The following CLEC2A variants were observed in gnomAD, a reference collection of about 807,000 sequenced individuals.
The protein encoded by CLEC2A is keratinocyte-associated C-type lectin.
Under a neutral mutation model 18.6 loss-of-function variants are expected in CLEC2A, and 19 were observed. The ratio of observed to expected loss-of-function variants is 1.02; its 90% confidence interval spans 0.71 to 1.50. CLEC2A has a LOEUF of 1.50. Ranked by LOEUF, CLEC2A falls within the 40% of genes most tolerant of loss-of-function variation. CLEC2A has a pLI of 0.00. For missense variants in CLEC2A, 190 were observed against 207.9 expected (o/e 0.91, Z 0.53); for synonymous variants, 74 against 64.0 (o/e 1.16, Z -0.75).
chr12:9,921,917 G>A, intron 3 of CLEC2A, 149 bp downstream of exon 3: 1 of 594,832 alleles, frequency 1.7e-6, no homozygotes, highest in Non-Finnish European at 2.6e-6. Context: ...GGGTGGCAGA[G>A]GAAAAATAAT....
At chr12:9,900,381 CT>C (rs1862808826) in intron 4 of CLEC2A, among the ~76,000 whole-genome samples, 1 of 152,030 alleles carries the variant, frequency 6.6e-6, no homozygotes, top group Admixed American at 6.6e-5. Flanking sequence ...AATGTATAAG[CT>C]TTGAAATCTA....
chr12:9,912,537 C>T (rs1338659293), downstream of CLEC2A, among the ~76,000 whole-genome samples: 3 of 151,934 alleles, frequency 2.0e-5, no homozygotes, highest in South Asian at 2.1e-4. Context: ...TGTTATGTGC[C>T]AAAATTGTTG....
the CLEC2A span, among the ~76,000 whole-genome samples, chr12:9,882,259 C>T: frequency 7.2e-5 from 11 of 151,944 alleles, no homozygotes; most frequent in Admixed American, 1.3e-4. Context: ...AATTACCAGT[C>T]GCAGTGGCAG....
chr12:9,913,718 T>TA, intron 4 of CLEC2A, 38 bp from the exon 5 acceptor site: 1 of 1,293,048 alleles, frequency 7.7e-7, no homozygotes, highest in Non-Finnish European at 1.1e-6. Flanking sequence ...GGGAACCACT[T>TA]ACGGCTGTAA....
At chr12:9,928,572 G>C (rs994059797) in intron 1 of CLEC2A, among the ~76,000 whole-genome samples, 1 of 152,174 alleles carries the variant, frequency 6.6e-6, no homozygotes, top group African/African-American at 2.4e-5. Context: ...GCAAGTTACA[G>C]ACTGGGAGAA....
chr12:9,903,857 T>C (rs1288553032), intron 4 of CLEC2A, among the ~76,000 whole-genome samples: 2 of 152,240 alleles, frequency 1.3e-5, no homozygotes, highest in Non-Finnish European at 2.9e-5. Context: ...CAATGGCATC[T>C]ATATAAACAT....
chr12:9,909,099 C>T (rs1031953277), downstream of CLEC2A, among the ~76,000 whole-genome samples: 5 of 152,176 alleles, frequency 3.3e-5, no homozygotes, highest in Non-Finnish European at 7.3e-5. Flanking sequence ...TTTAACATTC[C>T]TTGTCCTAGG....
intron 3 of CLEC2A, among the ~76,000 whole-genome samples, chr12:9,919,606 G>A (rs1863131326): frequency 6.6e-6 from 1 of 152,326 alleles, no homozygotes; most frequent in East Asian, 1.9e-4. Flanking sequence ...GCTTGCGAGG[G>A]GGGCTGGAGG....
chr12:9,885,641 A>G, the CLEC2A span, among the ~76,000 whole-genome samples: 13 of 152,098 alleles, frequency 8.5e-5, no homozygotes, highest in Middle Eastern at 3.4e-3. Context: ...AAGGATCCAT[A>G]TTTGTATTGG....
chr12:9,910,182 A>C (rs1003169851), downstream of CLEC2A, among the ~76,000 whole-genome samples: 1 of 152,206 alleles, frequency 6.6e-6, no homozygotes, highest in Non-Finnish European at 1.5e-5. Context: ...AAGCAAAAAT[A>C]CTTTATCATT....
chr12:9,887,946 C>T, the CLEC2A span, among the ~76,000 whole-genome samples: 1 of 149,542 alleles, frequency 6.7e-6, no homozygotes, highest in East Asian at 2.0e-4. Flanking sequence ...CTCCCAACTA[C>T]TTGGGAAGCT....
At chr12:9,893,065 A>G in the CLEC2A span, 1 of 1,535,870 alleles carries the variant, frequency 6.5e-7, no homozygotes. Flanking sequence ...AACGAAGGGA[A>G]ATGTTACTGG....
At chr12:9,921,916 A>C in intron 3 of CLEC2A, 150 bp downstream of exon 3, 1 of 582,528 alleles carries the variant, frequency 1.7e-6, no homozygotes, top group Non-Finnish European at 2.7e-6. Flanking sequence ...AGGGTGGCAG[A>C]GGAAAAATAA....
At chr12:9,925,488 C>T (rs1341220921) in intron 2 of CLEC2A, among the ~76,000 whole-genome samples, 1 of 152,092 alleles carries the variant, frequency 6.6e-6, no homozygotes, top group East Asian at 1.9e-4. Context: ...CTCATTCTGT[C>T]CTGTATATTT....
At chr12:9,908,628 C>A (rs186318923), downstream of CLEC2A, among the ~76,000 whole-genome samples, 296 of 152,248 alleles carry the variant, frequency 1.9e-3, 1 homozygote, top group African/African-American at 6.9e-3. Context: ...CCTGGCCCCC[C>A]CTATTCTTCC....
chr12:9,884,045 T>C, the CLEC2A span, among the ~76,000 whole-genome samples: 1 of 152,172 alleles, frequency 6.6e-6, no homozygotes, highest in African/African-American at 2.4e-5. Flanking sequence ...ACTAAAATGA[T>C]TGTAGATTGA....
chr12:9,920,772 G>A (rs1315088558), intron 3 of CLEC2A, among the ~76,000 whole-genome samples: 1 of 152,082 alleles, frequency 6.6e-6, no homozygotes, highest in East Asian at 1.9e-4. Flanking sequence ...TAGAGTCCAC[G>A]TGTCTCCTTC....
chr12:9,910,288 G>C (rs1862965199), downstream of CLEC2A, among the ~76,000 whole-genome samples: 2 of 152,080 alleles, frequency 1.3e-5, no homozygotes, highest in African/African-American at 4.8e-5. Flanking sequence ...CATCTGCCTG[G>C]CTCTTTATTT....
the CLEC2A span, chr12:9,884,783 G>A: frequency 2.8e-5 from 10 of 354,378 alleles, no homozygotes; most frequent in Non-Finnish European, 4.5e-5. Context: ...CTTGGTTTGG[G>A]ATTCTAGACT....
Sources: gnomAD v4.1 joint callset for allele counts (sites outside exome capture counted in the v4.1 genomes callset) on GRCh38, gnomAD v4.1.1 for gene constraint, MANE v1.5 for transcripts, NCBI Gene and HGNC (gene_info 2026-07-23, HGNC 2026-07-21) for gene names.